Variants in PHIP observed in about 807,000 individuals in gnomAD.
The protein encoded by PHIP is PH-interacting protein.
PHIP carries 54 observed loss-of-function variants against 236.8 expected under a neutral mutation model. The observed-to-expected ratio is 0.23, with a 90% CI of 0.18 to 0.29. The LOEUF is 0.29. PHIP is among the 10% of genes least tolerant of loss of function. The pLI is 1.00. For missense variants in PHIP, 1,370 were observed against 2,190.8 expected (o/e 0.63, Z 7.48); for synonymous variants, 756 against 718.9 (o/e 1.05, Z -0.83).
intron 35 of PHIP, among the ~76,000 whole-genome samples, chr6:78,954,090 C>A (rs1175279367): frequency 6.6e-6 from 1 of 152,018 alleles, no homozygotes; most frequent in Admixed American, 6.6e-5. Context: ...CAGTGCTTCA[C>A]ATTTAAAACT....
At chr6:78,947,479 A>G (rs1773890963) in intron 36 of PHIP, 144 bp downstream of exon 36, 9 of 537,410 alleles carry the variant, frequency 1.7e-5, no homozygotes, top group South Asian at 1.4e-4. Context: ...GTAGAAAGGT[A>G]TAATTTCTTT....
chr6:78,971,232 G>C (rs545734317), intron 24 of PHIP, among the ~76,000 whole-genome samples: 11 of 152,256 alleles, frequency 7.2e-5, no homozygotes, highest in African/African-American at 2.6e-4. Flanking sequence ...TTTTTAGCAA[G>C]TAGTTTGTAC....
intron 6 of PHIP, among the ~76,000 whole-genome samples, chr6:79,052,701 AAC>A (rs1772857259): frequency 6.6e-6 from 1 of 152,202 alleles, no homozygotes; most frequent in African/African-American, 2.4e-5. Flanking sequence ...CAAAATTATC[AAC>A]ACTTTCCCAA....
intron 9 of PHIP, among the ~76,000 whole-genome samples, chr6:79,019,593 T>C (rs1286099664): frequency 3.9e-5 from 6 of 152,100 alleles, no homozygotes; most frequent in Non-Finnish European, 8.8e-5. Context: ...TTTTTCAGTA[T>C]TTTACATTAA....
chr6:79,039,444 G>C (rs1010344714), intron 7 of PHIP, among the ~76,000 whole-genome samples: 4 of 109,412 alleles, frequency 3.7e-5, no homozygotes, highest in African/African-American at 9.3e-5. Flanking sequence ...GGTTGGATTA[G>C]GTATCTTTAT....
At chr6:78,961,880 G>C in intron 30 of PHIP, 70 bp from the exon 31 acceptor site, 2 of 1,247,456 alleles carry the variant, frequency 1.6e-6, no homozygotes, top group Non-Finnish European at 2.2e-6. Flanking sequence ...AATTCTGCTT[G>C]AATTAAGACT....
At chr6:78,975,098 G>A (rs1257989839) in intron 24 of PHIP, among the ~76,000 whole-genome samples, 2 of 151,742 alleles carry the variant, frequency 1.3e-5, no homozygotes, top group African/African-American at 4.8e-5. Context: ...CAATATCCTT[G>A]ATGAACATTG....
intron 4 of PHIP, among the ~76,000 whole-genome samples, chr6:79,076,474 G>C (rs553394912): frequency 3.9e-5 from 6 of 152,166 alleles, no homozygotes; most frequent in Non-Finnish European, 7.3e-5. Flanking sequence ...TTAGGAGAAA[G>C]TGTTACAGAA....
chr6:78,952,440 A>AAAAAAAAAAAAAGAAAAAAAAAAAG (rs1766102049), intron 35 of PHIP, among the ~76,000 whole-genome samples: 1 of 143,786 alleles, frequency 7.0e-6, no homozygotes, highest in Admixed American at 6.8e-5. Context: ...AAAAAAAAAA[A>AAAAAAAAAAAAAGAAAAAAAAAAAG]GAAAAAAAAA....
In PHIP at chr6:79,019,079, G is replaced by A. The variant is rs1562183580; in HGVS notation, c.994+10C>T. 6.2e-7 allele frequency: 1 copy of A among 1,601,996 alleles called. No homozygotes were observed. Among genetic ancestry groups the A allele is most frequent in the Non-Finnish European group, 8.6e-7 (1 of 1,169,384 alleles). The stretch of plus-strand genomic sequence containing the variant: ...ACTTTAAGTCGAAAATTAGAATGAG[G>A]GAAACTTACCAGCACTAAAAGAAGA... On this transcript the variant is annotated intron_variant, in intron 10 of 39. Transcript: ENST00000275034.
At position 79,002,078 on chromosome 6, in the gene PHIP, C is replaced by A; in HGVS notation, c.1700G>T (p.Arg567Leu). The A allele has an allele frequency of 6.2e-7, 1 of 1,612,936 alleles. No individual in the cohort carries two copies. Among genetic ancestry groups the A allele is most frequent in the Non-Finnish European group, 8.5e-7 (1 of 1,179,304 alleles). The part of the protein sequence containing the change: ...FFHSDYRPLI[R>L]DANNFVLDEQ... ...ATCTAATACAAAATTGTTGGCATCA[C>A]GAATAAGTGGCCGATAATCACTATG... Residue 567 changes from arginine to leucine, a missense_variant, in exon 17 of 40, where the codon CGT becomes CTT. By Grantham distance (102) the Arg-to-Leu change is moderately radical. Coordinates refer to ENST00000275034, the MANE Select transcript of PHIP (RefSeq NM_017934.7).
In PHIP at chr6:78,998,191, T is replaced by C; in HGVS notation, c.2017+63A>G. ...ATAATTTTTTTAAACCACTTAACAC[T>C]GTGGGAGATTTAGGCTGTTTCAAAT... On this transcript the variant is annotated intron_variant, in intron 18 of 39. Transcript: ENST00000275034. 2.3e-6 allele frequency: 3 copies of C among 1,317,306 alleles called. No individual in the cohort carries two copies. In the South Asian group the frequency reaches 3.6e-5, roughly 16 times the overall value. The allele number at this position is 1,317,306 out of a possible 1,614,324, so 81.6% of individuals were successfully genotyped here. A position where few individuals can be genotyped will look rare whatever the true frequency, so the allele number is the denominator to read the frequency against.
At chr6:78,984,386 A>G (rs1481556798) in intron 22 of PHIP, among the ~76,000 whole-genome samples, 1 of 150,588 alleles carries the variant, frequency 6.6e-6, no homozygotes, top group Non-Finnish European at 1.5e-5. Context: ...TGTAAATGGT[A>G]CCTGCCAAAT....
intron 13 of PHIP, 140 bp from the exon 14 acceptor site, chr6:79,015,923 T>C: frequency 3.4e-6 from 2 of 594,604 alleles, no homozygotes; most frequent in Non-Finnish European, 2.9e-6. Flanking sequence ...TGAATCAACA[T>C]GGAATGATGG....
chr6:78,970,984 CT>C, intron 24 of PHIP, 96 bp from the exon 25 acceptor site: 1 of 744,062 alleles, frequency 1.3e-6, no homozygotes, highest in Non-Finnish European at 2.2e-6. Flanking sequence ...AATCTAATGC[CT>C]TTTCAGCTAA....
intron 7 of PHIP, among the ~76,000 whole-genome samples, chr6:79,031,582 G>C (rs1037040383): frequency 6.6e-6 from 1 of 152,098 alleles, no homozygotes; most frequent in Non-Finnish European, 1.5e-5. Context: ...TAACAATTTG[G>C]CTTCAAGTAC....
intron 7 of PHIP, among the ~76,000 whole-genome samples, chr6:79,037,553 T>C (rs1175139111): frequency 2.0e-5 from 3 of 152,170 alleles, no homozygotes; most frequent in Non-Finnish European, 4.4e-5. Context: ...TACTGGTCTT[T>C]ATCTGCTAAT....
rs375768834 is a variant in PHIP, at chr6:78,994,246, T to C, written c.2201+3168A>G. 3.3e-5 allele frequency among the ~76,000 whole-genome samples: 5 copies of C among 152,318 alleles called. No individual in the cohort carries two copies. In the East Asian group the frequency reaches 9.6e-4, roughly 29 times the overall value. Reference sequence around the variant, plus strand: ...GGGAGGCTACTCTAGTGAATATGCTTTGAACATTGCTGAAATGTTAACAAA... The same window carrying C: ...GGGAGGCTACTCTAGTGAATATGCTCTGAACATTGCTGAAATGTTAACAAA... On this transcript the variant is annotated intron_variant, in intron 19 of 39. Transcript: ENST00000275034.
At chr6:79,040,578 T>C (rs1441849246) in intron 7 of PHIP, among the ~76,000 whole-genome samples, 1 of 152,112 alleles carries the variant, frequency 6.6e-6, no homozygotes, top group Non-Finnish European at 1.5e-5. Flanking sequence ...GCTGATTCTA[T>C]CTATTTTCAA....
Sources: gnomAD v4.1 joint callset for allele counts (sites outside exome capture counted in the v4.1 genomes callset) on GRCh38, gnomAD v4.1.1 for gene constraint, MANE v1.5 for transcripts, NCBI Gene and HGNC (gene_info 2026-07-23, HGNC 2026-07-21) for gene names.